The following NEXMIF variants were observed in gnomAD, a reference collection of about 807,000 sequenced individuals.
NEXMIF encodes neurite extension and migration factor.
A neutral mutation model predicts 62.1 loss-of-function variants in NEXMIF; 8 were observed. That is an observed-to-expected ratio of 0.13 (90% CI 0.08 to 0.23). The LOEUF (loss-of-function observed/expected upper bound fraction) is 0.23. Among genes scored for constraint, NEXMIF ranks in the 10% least tolerant of loss-of-function variants. NEXMIF has a pLI of 1.00. For synonymous variants in NEXMIF, 404 were observed against 416.6 expected, an observed-to-expected ratio of 0.97 and a Z score of 0.37; for missense variants, 976 against 1,113.3, an observed-to-expected ratio of 0.88 and a Z score of 1.75.
intron 1 of NEXMIF, among the ~76,000 whole-genome samples, chrX:74,856,338 A>G (rs1239033775): frequency 8.9e-6 from 1 of 111,930 alleles, no homozygotes; most frequent in Non-Finnish European, 1.9e-5. Flanking sequence ...AGAAGAAAGC[A>G]TCAGTGAACT....
chrX:74,881,407 C>CAT (rs1430313457), intron 1 of NEXMIF, among the ~76,000 whole-genome samples: 1 of 101,766 alleles, frequency 9.8e-6, no homozygotes, highest in Non-Finnish European at 1.9e-5. Context: ...CACACACACA[C>CAT]ACACACACAC....
At chrX:74,883,907 T>G (rs974063734) in intron 1 of NEXMIF, among the ~76,000 whole-genome samples, 1 of 112,022 alleles carries the variant, frequency 8.9e-6, no homozygotes, top group African/African-American at 3.2e-5. Flanking sequence ...AAAGGTTGGG[T>G]TACCCACAAA....
At chrX:74,834,265 AGTT>A (rs1474070425) in intron 1 of NEXMIF, among the ~76,000 whole-genome samples, 2 of 111,284 alleles carry the variant, frequency 1.8e-5, no homozygotes, top group Non-Finnish European at 3.8e-5. Flanking sequence ...TGTCTTGAAA[AGTT>A]GTTGTAGTGT....
At chrX:74,905,340 G>A (rs2080764068) in intron 1 of NEXMIF, among the ~76,000 whole-genome samples, 1 of 111,255 alleles carries the variant, frequency 9.0e-6, no homozygotes, top group South Asian at 3.8e-4. Context: ...AAAACAAAAT[G>A]GAAGAATACA....
At chrX:74,865,687 T>A (rs1004787188) in intron 1 of NEXMIF, among the ~76,000 whole-genome samples, 6 of 111,939 alleles carry the variant, frequency 5.4e-5, no homozygotes, top group Non-Finnish European at 1.1e-4. Flanking sequence ...AGGGCCCCTC[T>A]GTTATGTGCA....
intron 1 of NEXMIF, among the ~76,000 whole-genome samples, chrX:74,758,417 A>C (rs1416393757): frequency 9.0e-6 from 1 of 111,530 alleles, no homozygotes; most frequent in Non-Finnish European, 1.9e-5. Context: ...ATTTAAAAAA[A>C]AACTTTTATT....
intron 1 of NEXMIF, among the ~76,000 whole-genome samples, chrX:74,887,867 T>C (rs2080702144): frequency 8.9e-6 from 1 of 111,892 alleles, no homozygotes; most frequent in Non-Finnish European, 1.9e-5. Context: ...TGCGGCACTA[T>C]TCACAATAGC....
intron 1 of NEXMIF, among the ~76,000 whole-genome samples, chrX:74,908,982 C>A (rs2080778416): frequency 8.9e-6 from 1 of 111,795 alleles, no homozygotes; most frequent in African/African-American, 3.2e-5. Flanking sequence ...CGCCATGATT[C>A]TGAGGCCTCC....
intron 1 of NEXMIF, among the ~76,000 whole-genome samples, chrX:74,812,311 T>C (rs777735375): frequency 8.9e-6 from 1 of 112,000 alleles, no homozygotes; most frequent in Non-Finnish European, 1.9e-5. Flanking sequence ...TATACATATA[T>C]CTCTCCCAAC....
At chrX:74,764,858 T>C (rs959473468) in intron 1 of NEXMIF, among the ~76,000 whole-genome samples, 2 of 112,173 alleles carry the variant, frequency 1.8e-5, no homozygotes, top group African/African-American at 3.2e-5. Flanking sequence ...TGGTTGATTA[T>C]AGAGTATGCG....
At chrX:74,766,968 G>A (rs772506509) in intron 1 of NEXMIF, among the ~76,000 whole-genome samples, 75 of 112,080 alleles carry the variant, frequency 6.7e-4, no homozygotes, top group African/African-American at 2.3e-3. Flanking sequence ...TGAGGACTGC[G>A]AACTGCATGG....
At chrX:74,901,155 A>G (rs1169073350) in intron 1 of NEXMIF, among the ~76,000 whole-genome samples, 1 of 112,157 alleles carries the variant, frequency 8.9e-6, no homozygotes, top group Non-Finnish European at 1.9e-5. Context: ...AAGATGGTAA[A>G]TTTTATGTGT....
intron 1 of NEXMIF, chrX:74,769,669 G>C: frequency 1.4e-6 from 1 of 720,645 alleles, no homozygotes; most frequent in Non-Finnish European, 2.2e-6. Context: ...CTGTGGCAAG[G>C]CTGGAAAAGC....
At chrX:74,873,369 T>G (rs1486071266) in intron 1 of NEXMIF, among the ~76,000 whole-genome samples, 2 of 112,359 alleles carry the variant, frequency 1.8e-5, no homozygotes, top group African/African-American at 6.5e-5. Flanking sequence ...ATGTGCCACA[T>G]TTTCTTAATC....
chrX:74,880,081 A>G (rs2080656681), intron 1 of NEXMIF, among the ~76,000 whole-genome samples: 1 of 112,224 alleles, frequency 8.9e-6, no homozygotes, highest in Non-Finnish European at 1.9e-5. Flanking sequence ...GCCAGGCTCA[A>G]CCATACCTCC....
intron 1 of NEXMIF, among the ~76,000 whole-genome samples, chrX:74,773,527 C>T (rs1198232907): frequency 9.0e-6 from 1 of 110,659 alleles, no homozygotes; most frequent in Non-Finnish European, 1.9e-5. Context: ...GACTGACTCG[C>T]CCCAAGACTG....
At chrX:74,843,449 C>G (rs2080480716) in intron 1 of NEXMIF, among the ~76,000 whole-genome samples, 1 of 109,061 alleles carries the variant, frequency 9.2e-6, no homozygotes, top group Non-Finnish European at 1.9e-5. Flanking sequence ...GAGTCTTGCT[C>G]TGTTCCCCAG....
chrX:74,917,265 T>C (rs1178920674), intron 1 of NEXMIF, among the ~76,000 whole-genome samples: 2 of 111,253 alleles, frequency 1.8e-5, no homozygotes, highest in African/African-American at 6.5e-5. Flanking sequence ...TAGCACCACC[T>C]CCTTTGGTCT....
chrX:74,882,621 G>A (rs1055722502), intron 1 of NEXMIF, among the ~76,000 whole-genome samples: 3 of 112,053 alleles, frequency 2.7e-5, no homozygotes, highest in African/African-American at 9.7e-5. Flanking sequence ...CATTGCTCAG[G>A]CTTGAGTAGG....
Sources: allele counts gnomAD v4.1 joint callset (sites outside exome capture counted in the v4.1 genomes callset), GRCh38; gene constraint gnomAD v4.1.1; transcripts MANE v1.5; gene names NCBI Gene and HGNC (gene_info 2026-07-23, HGNC 2026-07-21).